Variants in CPNE4 observed in about 807,000 individuals in gnomAD.
CPNE4 encodes copine-4.
Under a neutral mutation model 67.9 loss-of-function variants are expected in CPNE4, and 25 were observed. That is an observed-to-expected ratio of 0.37 (90% confidence interval 0.27 to 0.51). CPNE4 has a LOEUF of 0.51. Ranked by LOEUF, CPNE4 falls within the 20% of genes least tolerant of loss-of-function variation. The pLI is 0.93. For missense variants in CPNE4, 464 were observed against 690.8 expected (o/e 0.67, Z 3.68); for synonymous variants, 242 against 244.9 (o/e 0.99, Z 0.11).
In CPNE4 at chr3:131,650,744, CAAAAAAAAAAAA is replaced by C. The variant is rs141219633; in HGVS notation, c.681+18919_681+18930del. On this transcript the variant is annotated intron_variant, in intron 7 of 15. Coordinates refer to ENST00000429747, the MANE Select transcript of CPNE4 (RefSeq NM_130808.3). ...TGGGGGACAGAGCAAGACTCCGTCTCAAAAAAAAAAAAAAAAAAAAAAAAAAAAATTCTATTA... is the reference window on the plus strand; with the variant it reads ...TGGGGGACAGAGCAAGACTCCGTCTCAAAAAAAAAAAAAAAAATTCTATTA... Among the ~76,000 whole-genome samples the C allele has an allele frequency of 1.1e-3, 66 of 61,198 alleles. 3 individuals are homozygous for C. The highest frequency in any genetic ancestry group is 5.1e-3 in the African/African-American group (59 of 11,528). 40.1% of individuals were successfully genotyped at this position (61,198 alleles called of 152,430 possible).
intron 8 of CPNE4, 31 bp from the exon 9 acceptor site, chr3:131,581,696 T>C: frequency 1.3e-6 from 2 of 1,534,498 alleles, no homozygotes; most frequent in East Asian, 2.2e-5. Flanking sequence ...TGAGAATCTG[T>C]TCAGGAAAAA....
intron 1 of CPNE4, among the ~76,000 whole-genome samples, chr3:131,918,074 G>A (rs2070624701): frequency 1.3e-5 from 2 of 152,204 alleles, no homozygotes; most frequent in African/African-American, 4.8e-5. Flanking sequence ...CCTTTCAAGA[G>A]TTATGGAAGG....
chr3:131,876,756 C>T (rs1280647250), intron 2 of CPNE4, among the ~76,000 whole-genome samples: 1 of 151,762 alleles, frequency 6.6e-6, no homozygotes, highest in Non-Finnish European at 1.5e-5. Flanking sequence ...TATGTAGTAA[C>T]TGACAAAAGG....
chr3:131,607,069 C>T (rs1278112487), intron 7 of CPNE4, among the ~76,000 whole-genome samples: 1 of 146,494 alleles, frequency 6.8e-6, no homozygotes, highest in African/African-American at 2.7e-5. Flanking sequence ...ATTGCTACCA[C>T]TGAAACTCTG....
At chr3:131,797,585 C>A (rs2107899894) in intron 2 of CPNE4, among the ~76,000 whole-genome samples, 1 of 152,244 alleles carries the variant, frequency 6.6e-6, no homozygotes, top group African/African-American at 2.4e-5. Flanking sequence ...GAACTAGGAC[C>A]ACGGAAATGA....
intron 8 of CPNE4, among the ~76,000 whole-genome samples, chr3:131,586,870 T>A (rs1350523284): frequency 6.6e-6 from 1 of 152,144 alleles, no homozygotes; most frequent in Non-Finnish European, 1.5e-5. Flanking sequence ...TATGTGGTAG[T>A]GCTTGTGTAC....
intron 1 of CPNE4, among the ~76,000 whole-genome samples, chr3:132,027,835 GATA>G (rs2074148515): frequency 6.6e-6 from 1 of 151,774 alleles, no homozygotes; most frequent in Non-Finnish European, 1.5e-5. Context: ...TAATGATAAT[GATA>G]AAGTATTGTT....
intron 1 of CPNE4, among the ~76,000 whole-genome samples, chr3:132,026,592 T>C (rs1381655192): frequency 1.3e-5 from 2 of 152,226 alleles, no homozygotes; most frequent in Non-Finnish European, 2.9e-5. Flanking sequence ...TATTAATATC[T>C]AACCCACAGA....
intron 14 of CPNE4, among the ~76,000 whole-genome samples, chr3:131,548,131 G>A (rs1935973717): frequency 6.6e-6 from 1 of 152,020 alleles, no homozygotes; most frequent in Non-Finnish European, 1.5e-5. Context: ...TTTTAAGTAG[G>A]AGAGACTTCA....
intron 2 of CPNE4, among the ~76,000 whole-genome samples, chr3:131,746,194 G>T (rs1193960722): frequency 6.6e-6 from 1 of 152,068 alleles, no homozygotes; most frequent in South Asian, 2.1e-4. Flanking sequence ...GTGATGTTTA[G>T]ATTCACATAT....
intron 2 of CPNE4, among the ~76,000 whole-genome samples, chr3:131,805,944 C>A (rs933529633): frequency 6.6e-6 from 1 of 152,180 alleles, no homozygotes; most frequent in African/African-American, 2.4e-5. Flanking sequence ...ATTATTGCAG[C>A]CTTCTTTGGG....
intron 1 of CPNE4, among the ~76,000 whole-genome samples, chr3:131,920,072 G>A (rs1417768384): frequency 4.6e-5 from 7 of 152,066 alleles, no homozygotes; most frequent in Non-Finnish European, 1.0e-4. Context: ...ATCTGATCAG[G>A]TCACTCCGCT....
chr3:131,699,786 T>A, intron 4 of CPNE4, 123 bp downstream of exon 4: 1 of 593,068 alleles, frequency 1.7e-6, no homozygotes, highest in South Asian at 2.8e-5. Context: ...TTTCAATAGT[T>A]CAGTAGTTGT....
intron 2 of CPNE4, among the ~76,000 whole-genome samples, chr3:131,756,362 C>G (rs933131807): frequency 1.3e-5 from 2 of 152,198 alleles, no homozygotes; most frequent in African/African-American, 4.8e-5. Flanking sequence ...GTTTCAGGGT[C>G]TACTATACCC....
chr3:131,729,303 G>A (rs1171513214), intron 2 of CPNE4, among the ~76,000 whole-genome samples: 1 of 152,150 alleles, frequency 6.6e-6, no homozygotes, highest in African/African-American at 2.4e-5. Flanking sequence ...AGGGTAGGGA[G>A]AAACTAATTT....
chr3:132,021,996 A>T (rs954568219), intron 1 of CPNE4, among the ~76,000 whole-genome samples: 5 of 152,264 alleles, frequency 3.3e-5, no homozygotes, highest in African/African-American at 1.2e-4. Context: ...CATAGGGAAG[A>T]TGATATTCCC....
chr3:132,004,648 T>C (rs900465025), intron 1 of CPNE4, among the ~76,000 whole-genome samples: 2 of 152,060 alleles, frequency 1.3e-5, no homozygotes, highest in African/African-American at 4.8e-5. Flanking sequence ...AACAATTTCC[T>C]GAACTAAAAC....
intron 2 of CPNE4, among the ~76,000 whole-genome samples, chr3:131,747,785 A>T (rs2107791414): frequency 6.6e-6 from 1 of 152,282 alleles, no homozygotes; most frequent in Non-Finnish European, 1.5e-5. Context: ...ATAGACATTC[A>T]TTTCATATGT....
intron 15 of CPNE4, among the ~76,000 whole-genome samples, chr3:131,539,401 C>G (rs1402953361): frequency 6.6e-6 from 1 of 152,194 alleles, no homozygotes; most frequent in African/African-American, 2.4e-5. Flanking sequence ...CCATGGCTAC[C>G]TCTCTCTGCT....
Sources: allele counts gnomAD v4.1 joint callset (sites outside exome capture counted in the v4.1 genomes callset), GRCh38; gene constraint gnomAD v4.1.1; transcripts MANE v1.5; gene names NCBI Gene and HGNC (gene_info 2026-07-23, HGNC 2026-07-21).